Variants in ARHGEF28 observed in about 807,000 individuals in gnomAD.
ARHGEF28 encodes the protein Rho guanine nucleotide exchange factor 28, also known as 190 kDa guanine nucleotide exchange factor.
ARHGEF28 carries 152 observed loss-of-function variants against 206.6 expected under a neutral mutation model. That is an observed-to-expected ratio of 0.74 (90% CI 0.64 to 0.84). The LOEUF (loss-of-function observed/expected upper bound fraction) is 0.84, where lower values mean the gene tolerates loss of function less well. ARHGEF28 is among the 40% of genes least tolerant of loss of function. ARHGEF28 has a pLI of 0.00. For synonymous variants in ARHGEF28, 763 were observed against 776.4 expected (o/e 0.98, Z 0.29); for missense variants, 2,028 against 2,073.2 (o/e 0.98, Z 0.42).
At chr5:73,711,508 G>T (rs186595413) in intron 2 of ARHGEF28, among the ~76,000 whole-genome samples, 15 of 152,070 alleles carry the variant, frequency 9.9e-5, no homozygotes, top group Admixed American at 5.2e-4. Flanking sequence ...TTTCATCAGG[G>T]TTTTATTGTT....
chr5:73,640,586 G>A (rs954538380), intron 1 of ARHGEF28, among the ~76,000 whole-genome samples: 2 of 152,166 alleles, frequency 1.3e-5, no homozygotes, highest in Non-Finnish European at 2.9e-5. Flanking sequence ...GGATTTATTA[G>A]CAAGTTTTGT....
intron 9 of ARHGEF28, among the ~76,000 whole-genome samples, chr5:73,822,127 G>C (rs1756634368): frequency 6.6e-6 from 1 of 152,162 alleles, no homozygotes; most frequent in African/African-American, 2.4e-5. Flanking sequence ...GAGACCCAAA[G>C]TGTACTTGTT....
rs914262085 is a variant in ARHGEF28 at position 73,832,398 on chromosome 5, G to A, written c.1085G>A (p.Arg362Gln). Residue 362 changes from arginine to glutamine, a missense_variant, in exon 10 of 36, where the codon CGG (arginine) becomes CAG (glutamine). Around this residue, in one of 3 missense-constraint regions of ARHGEF28, gnomAD observed 1,002 missense variants for 1,015.3 expected, o/e 0.99. Coordinates refer to ENST00000513042, the MANE Select transcript of ARHGEF28 (RefSeq NM_001177693.2). ...CCCTCGACATTGCTTGCTGCAGGCC[G>A]GCTTTCAGACATGCTGAATGGAGGT... ...KPPSTLLAAG[R>Q]LSDMLNGGDE... 1.2e-5 allele frequency: 19 copies of A among 1,612,274 alleles called. No homozygotes were observed. The highest frequency in any genetic ancestry group is 6.7e-5 in the Admixed American group (4 of 59,820).
chr5:73,685,728 T>G (rs1294608045), intron 2 of ARHGEF28, among the ~76,000 whole-genome samples: 1 of 152,166 alleles, frequency 6.6e-6, no homozygotes, highest in East Asian at 1.9e-4. Context: ...GTTCAAGCGA[T>G]TCCCCTGCCT....
Position 73,909,638 on chromosome 5 carries a change from G to A in ARHGEF28, c.4388G>A (p.Arg1463Gln), listed in dbSNP as rs17634853. The A allele has an allele frequency of 0.038, 58,375 of 1,548,766 alleles. 1,234 individuals carry two copies. Among genetic ancestry groups the A allele is most frequent in the South Asian group, 0.057 (4,771 of 84,068 alleles). ...RWLRRCEQQQ[R>Q]AQATRESWLQ... ...CTGCGCAGGTGTGAGCAGCAGCAGC[G>A]GGCGCAGGCGACCAGGGAGAGCTGG... The change falls in exon 34 of 36, where the codon CGG becomes CAG. Residue 1463 changes from arginine (R) to glutamine (Q), a missense_variant. By Grantham distance (43) the Arg-to-Gln change is conservative. Transcript: ENST00000513042.
intron 4 of ARHGEF28, among the ~76,000 whole-genome samples, chr5:73,766,261 C>T (rs1227776555): frequency 6.6e-6 from 1 of 152,036 alleles, no homozygotes; most frequent in Non-Finnish European, 1.5e-5. Flanking sequence ...ATTACTTAGC[C>T]CTAAAAAATA....
chr5:73,839,723 C>A (rs990257202), intron 10 of ARHGEF28, among the ~76,000 whole-genome samples: 1 of 152,198 alleles, frequency 6.6e-6, no homozygotes, highest in African/African-American at 2.4e-5. Context: ...CGAGGCCTTA[C>A]CTGCTGGATT....
chr5:73,926,178 GT>G (rs1763790849), intron 35 of ARHGEF28, among the ~76,000 whole-genome samples: 3 of 152,188 alleles, frequency 2.0e-5, no homozygotes, highest in Admixed American at 2.0e-4. Context: ...GTTCAAATCA[GT>G]TTTCATTCTG....
At chr5:73,737,439 C>CTTCTTTTTTCTTTTCTTTTCTTTTCTT (rs1751018574) in intron 2 of ARHGEF28, among the ~76,000 whole-genome samples, 1 of 72,500 alleles carries the variant, frequency 1.4e-5, no homozygotes, top group Non-Finnish European at 2.9e-5. Flanking sequence ...AGCCCTCTTC[C>CTTCTTTTTTCTTTTCTTTTCTTTTCTT]TTCTTTTCTT....
intron 2 of ARHGEF28, among the ~76,000 whole-genome samples, chr5:73,742,474 T>G (rs1308107439): frequency 6.6e-6 from 1 of 152,012 alleles, no homozygotes; most frequent in Non-Finnish European, 1.5e-5. Flanking sequence ...TTATGCATTC[T>G]TTTGGTGGCT....
intron 9 of ARHGEF28, among the ~76,000 whole-genome samples, chr5:73,808,767 G>T (rs886148821): frequency 1.3e-5 from 2 of 152,062 alleles, no homozygotes; most frequent in Non-Finnish European, 2.9e-5. Flanking sequence ...AAAAACTGTG[G>T]TGTCTTGGTG....
intron 11 of ARHGEF28, among the ~76,000 whole-genome samples, chr5:73,845,861 G>A (rs755506293): frequency 6.6e-5 from 10 of 151,630 alleles, no homozygotes; most frequent in Non-Finnish European, 7.4e-5. Flanking sequence ...GGTGGCGCAC[G>A]CCTGTAGTCC....
intron 2 of ARHGEF28, among the ~76,000 whole-genome samples, chr5:73,741,187 T>C (rs1164803806): frequency 6.6e-6 from 1 of 151,808 alleles, no homozygotes; most frequent in African/African-American, 2.4e-5. Flanking sequence ...AAAGCCTGCT[T>C]CTGGTCTTGT....
chr5:73,748,612 G>A (rs1030310484), intron 2 of ARHGEF28, among the ~76,000 whole-genome samples: 2 of 152,102 alleles, frequency 1.3e-5, no homozygotes, highest in Admixed American at 1.3e-4. Context: ...GCTTTTATCT[G>A]TTCACTTTCT....
chr5:73,873,160 A>C lies in ARHGEF28; in HGVS notation c.2728A>C (p.Ser910Arg), dbSNP rs762222036. ...LLEIHRHFFY[S>R]MKERRQESCA... ...TGAAATCCACAGGCATTTCTTCTAC[A>C]GTATGAAGGAACGAAGGCAGGAATC... Residue 910 changes from serine to arginine, a missense_variant, in exon 22 of 36, where the codon AGT becomes CGT. Physicochemically the swap from Ser to Arg is moderately radical, Grantham distance 110. Around this residue, in one of 3 missense-constraint regions of ARHGEF28, gnomAD observed 223 missense variants for 289.9 expected, o/e 0.77. Coordinates refer to ENST00000513042, the MANE Select transcript of ARHGEF28 (RefSeq NM_001177693.2). The C allele has an allele frequency of 1.2e-6, 2 of 1,612,794 alleles. No individual in the cohort carries two copies. Among genetic ancestry groups the C allele is most frequent in the South Asian group, 2.2e-5 (2 of 90,674 alleles).
chr5:73,676,875 G>A lies in ARHGEF28; in HGVS notation c.-11-7966G>A, dbSNP rs190079463. 2.0e-5 allele frequency among the ~76,000 whole-genome samples: 3 copies of A among 152,338 alleles called. No homozygotes were observed. In the East Asian group the frequency reaches 5.8e-4, roughly 29 times the overall value. Reference sequence around the variant, plus strand: ...TTTGTAGAATTAGGCATGGCCTATGGTGTGTGGCAAGCTTATCAAGTAAAA... The same window carrying A: ...TTTGTAGAATTAGGCATGGCCTATGATGTGTGGCAAGCTTATCAAGTAAAA... On this transcript the variant is annotated intron_variant, in intron 1 of 35. Transcript: ENST00000513042.
intron 2 of ARHGEF28, among the ~76,000 whole-genome samples, chr5:73,742,463 G>A (rs1431958505): frequency 6.6e-6 from 1 of 151,666 alleles, no homozygotes; most frequent in Non-Finnish European, 1.5e-5. Context: ...TAACTTATTA[G>A]TTATGCATTC....
intron 1 of ARHGEF28, among the ~76,000 whole-genome samples, chr5:73,657,242 T>C (rs1745280803): frequency 6.6e-6 from 1 of 152,036 alleles, no homozygotes; most frequent in Non-Finnish European, 1.5e-5. Flanking sequence ...TAGCATCTCT[T>C]TCCCATTTTT....
At chr5:73,893,765 G>T (rs778879352) in intron 28 of ARHGEF28, among the ~76,000 whole-genome samples, 2 of 152,170 alleles carry the variant, frequency 1.3e-5, no homozygotes, top group Non-Finnish European at 2.9e-5. Context: ...ACCCTCCACC[G>T]ATTGAATCCG....
Sources: allele counts gnomAD v4.1 joint callset (sites outside exome capture counted in the v4.1 genomes callset), GRCh38; gene constraint gnomAD v4.1.1; regional missense constraint gnomAD v4.1.1; transcripts MANE v1.5; gene names NCBI Gene and HGNC (gene_info 2026-07-23, HGNC 2026-07-21).